NTNG1: variants seen among roughly 807,000 people sequenced by gnomAD.
The protein encoded by NTNG1 is netrin-G1.
NTNG1 carries 16 observed loss-of-function variants against 54.0 expected under a neutral mutation model. The ratio of observed to expected loss-of-function variants is 0.30; its 90% CI spans 0.20 to 0.45. The LOEUF is 0.45. Among genes scored for constraint, NTNG1 ranks in the 20% least tolerant of loss-of-function variants. The pLI is 1.00. For synonymous variants in NTNG1, 255 were observed against 263.1 expected (o/e 0.97, Z 0.30); for missense variants, 530 against 678.7 (o/e 0.78, Z 2.43).
intron 7 of NTNG1, among the ~76,000 whole-genome samples, chr1:107,439,390 A>T (rs1675815591): frequency 6.6e-6 from 1 of 151,956 alleles, no homozygotes; most frequent in Admixed American, 6.6e-5. Flanking sequence ...TCCCAAGCTA[A>T]GACATTTTAT....
chr1:107,324,109 C>CT lies in NTNG1; in HGVS notation c.247-162dup, dbSNP rs369145965. Among the ~76,000 whole-genome samples, 981 of 145,976 alleles carry CT rather than the reference C, an allele frequency of 6.7e-3. 5 individuals are homozygous for CT. The highest frequency in any genetic ancestry group is 0.011 in the Non-Finnish European group (697 of 65,990). On this transcript the variant is annotated intron_variant, in intron 2 of 7. Transcript: ENST00000370068. The stretch of plus-strand genomic sequence containing the variant: ...ACAAGACAAGAAAATTACCATATTG[C>CT]TTTTTTTTTTTAAAAGCTATTAAAG...
At chr1:107,450,551 C>T (rs565991785) in intron 7 of NTNG1, among the ~76,000 whole-genome samples, 3 of 151,748 alleles carry the variant, frequency 2.0e-5, no homozygotes, top group South Asian at 2.1e-4. Flanking sequence ...CATAATAAAA[C>T]GAAAGCTATG....
At chr1:107,330,657 T>C (rs113923607) in intron 3 of NTNG1, among the ~76,000 whole-genome samples, 39 of 152,276 alleles carry the variant, frequency 2.6e-4, no homozygotes, top group African/African-American at 8.9e-4. Flanking sequence ...CCATTTCAAG[T>C]AGTAGAAATT....
intron 2 of NTNG1, among the ~76,000 whole-genome samples, chr1:107,276,703 C>T (rs528269232): frequency 6.6e-6 from 1 of 152,152 alleles, no homozygotes; most frequent in African/African-American, 2.4e-5. Context: ...AGTACTCTAC[C>T]TGACACACAG....
At chr1:107,240,799 T>C (rs1223741804) in intron 2 of NTNG1, among the ~76,000 whole-genome samples, 1 of 152,196 alleles carries the variant, frequency 6.6e-6, no homozygotes, top group Non-Finnish European at 1.5e-5. Flanking sequence ...ATTTAACCAA[T>C]TAAAATATTT....
intron 5 of NTNG1, among the ~76,000 whole-genome samples, chr1:107,413,168 A>ATTTT (rs376659783): frequency 1.1e-4 from 13 of 119,252 alleles, no homozygotes; most frequent in African/African-American, 3.8e-4. Flanking sequence ...TTTTTTTTTC[A>ATTTT]TTTTTTTTTT....
chr1:107,218,958 G>C (rs1375876354), intron 2 of NTNG1, among the ~76,000 whole-genome samples: 5 of 152,084 alleles, frequency 3.3e-5, no homozygotes, highest in Non-Finnish European at 1.5e-5. Context: ...TCTCTAGGAA[G>C]GCCAGAGAAA....
intron 3 of NTNG1, among the ~76,000 whole-genome samples, chr1:107,355,524 A>T (rs1292120031): frequency 6.6e-6 from 1 of 152,164 alleles, no homozygotes. Flanking sequence ...ATACCAATAG[A>T]GTATATTCAA....
At chr1:107,243,388 C>T (rs565408426) in intron 2 of NTNG1, among the ~76,000 whole-genome samples, 1 of 152,272 alleles carries the variant, frequency 6.6e-6, no homozygotes, top group East Asian at 1.9e-4. Context: ...AAAATGGAAT[C>T]CTATTTGCCG....
intron 7 of NTNG1, among the ~76,000 whole-genome samples, chr1:107,468,091 G>C (rs182497829): frequency 6.6e-6 from 1 of 152,236 alleles, no homozygotes. Context: ...CAGCAGACAA[G>C]AGTGAATTAC....
chr1:107,479,343 T>C (rs1285056338), intron 7 of NTNG1, among the ~76,000 whole-genome samples: 1 of 152,216 alleles, frequency 6.6e-6, no homozygotes, highest in Non-Finnish European at 1.5e-5. Flanking sequence ...AAGGCAACAT[T>C]CTCTATTGAG....
At chr1:107,353,929 A>G (rs1669779703) in intron 3 of NTNG1, among the ~76,000 whole-genome samples, 1 of 152,132 alleles carries the variant, frequency 6.6e-6, no homozygotes, top group South Asian at 2.1e-4. Context: ...ATGCACTTTT[A>G]AACAACCAGA....
At chr1:107,432,044 C>G (rs940816461) in intron 6 of NTNG1, among the ~76,000 whole-genome samples, 7 of 152,146 alleles carry the variant, frequency 4.6e-5, no homozygotes, top group Non-Finnish European at 1.0e-4. Flanking sequence ...TTGGTGTCTA[C>G]AGTACTTTCT....
rs17019049 is a variant in NTNG1 at position 107,434,484 on chromosome 1, A to G, written c.1256-2181A>G. 5.8e-3 allele frequency among the ~76,000 whole-genome samples: 882 copies of G among 152,324 alleles called. 12 individuals carry two copies. Among genetic ancestry groups the G allele is most frequent in the African/African-American group, 0.02 (843 of 41,586 alleles). The stretch of plus-strand genomic sequence containing the variant: ...AGCATTAAGCAGGAAGCTAGAGGAT[A>G]TATGGTTTGTGACCCTGAGTAATCA... On this transcript the variant is annotated intron_variant, in intron 6 of 7. Coordinates refer to ENST00000370068, the MANE Select transcript of NTNG1 (RefSeq NM_001113226.3).
chr1:107,427,395 A>G (rs1470328776), intron 5 of NTNG1, among the ~76,000 whole-genome samples: 1 of 152,108 alleles, frequency 6.6e-6, no homozygotes, highest in Non-Finnish European at 1.5e-5. Context: ...TTATTAAACT[A>G]TTAATATCAT....
intron 4 of NTNG1, among the ~76,000 whole-genome samples, chr1:107,400,676 T>C (rs186582924): frequency 1.5e-3 from 222 of 151,394 alleles, no homozygotes; most frequent in Admixed American, 2.3e-3. Flanking sequence ...GAGATGTAGT[T>C]TTGCTCTTGT....
At chr1:107,327,701 TATCCCCAC>T (rs1487644898) in intron 3 of NTNG1, among the ~76,000 whole-genome samples, 1 of 152,084 alleles carries the variant, frequency 6.6e-6, no homozygotes, top group African/African-American at 2.4e-5. Context: ...TTGTTACTTC[TATCCCCAC>T]CCCACCATAA....
At chr1:107,447,600 A>C (rs1231017474) in intron 7 of NTNG1, among the ~76,000 whole-genome samples, 1 of 152,106 alleles carries the variant, frequency 6.6e-6, no homozygotes, top group Non-Finnish European at 1.5e-5. Context: ...CTGAAGTAAC[A>C]ATTTTAATAA....
At chr1:107,349,320 T>A (rs1056032034) in intron 3 of NTNG1, among the ~76,000 whole-genome samples, 8 of 152,166 alleles carry the variant, frequency 5.3e-5, no homozygotes, top group Non-Finnish European at 1.0e-4. Flanking sequence ...CTGTATAAAA[T>A]AATAATCTAT....
Sources: gnomAD v4.1 joint callset for allele counts (sites outside exome capture counted in the v4.1 genomes callset) on GRCh38, gnomAD v4.1.1 for gene constraint, MANE v1.5 for transcripts, NCBI Gene and HGNC (gene_info 2026-07-23, HGNC 2026-07-21) for gene names.